Variants in AP2M1 observed in about 807,000 individuals in gnomAD.
AP2M1 encodes AP-2 complex subunit mu.
A neutral mutation model predicts 54.5 loss-of-function variants in AP2M1; 5 were observed. The ratio of observed to expected loss-of-function variants is 0.09; its 90% CI spans 0.05 to 0.19. The LOEUF (loss-of-function observed/expected upper bound fraction) is 0.19. Among genes scored for constraint, AP2M1 ranks in the 10% least tolerant of loss-of-function variants. The pLI is 1.00. For synonymous variants in AP2M1, 186 were observed against 208.2 expected (o/e 0.89, Z 0.92); for missense variants, 178 against 580.2 (o/e 0.31, Z 7.12).
At position 184,183,804 on chromosome 3, in the gene AP2M1, T is replaced by A. The variant is rs1218572146; in HGVS notation, c.*188T>A. On this transcript the variant is annotated 3_prime_UTR_variant, in exon 12 of 12. Coordinates refer to ENST00000292807, the MANE Select transcript of AP2M1 (RefSeq NM_004068.4). This position sits in a 1 kb window ranked among gnomAD's most constrained non-coding sequence, Gnocchi z 5.7. ...CCGGTGGAGCAGCCCCTGGGCTCCC[T>A]GGGCAGGGGAGTTCTGAGGCTCCTG... 1.6e-6 allele frequency: 1 copy of A among 633,460 alleles called. No individual in the cohort carries two copies. Among genetic ancestry groups the A allele is most frequent in the Non-Finnish European group, 2.7e-6 (1 of 376,456 alleles). The allele number at this position is 633,460 out of a possible 1,614,324, so 39.2% of individuals were successfully genotyped here.
chr3:184,181,452 G>A lies in AP2M1; in HGVS notation c.707+226G>A, dbSNP rs1715271041. On this transcript the variant is annotated intron_variant, in intron 7 of 11. Coordinates refer to ENST00000292807, the MANE Select transcript of AP2M1 (RefSeq NM_004068.4). The surrounding 1 kb of genome is among the most constrained non-coding windows in gnomAD (Gnocchi z 5.7). ...GGTCCCTAGGACCAAGGCCTTTTCT[G>A]TACATACTGACAGCCTCTGCCCAGT... The A allele has an allele frequency of 1.2e-6, 1 of 816,274 alleles. No individual in the cohort carries two copies. The highest frequency in any genetic ancestry group is 1.8e-5 in the South Asian group (1 of 54,756). 50.6% of individuals were successfully genotyped at this position (816,274 alleles called of 1,614,324 possible). A position where few individuals can be genotyped will look rare whatever the true frequency, so the allele number is the denominator to read the frequency against.
chr3:184,178,203 C>T lies in AP2M1; in HGVS notation c.75-654C>T, dbSNP rs1459064845. The T allele has an allele frequency of 1.3e-6, 2 of 1,536,098 alleles. No individual in the cohort carries two copies. Among genetic ancestry groups the T allele is most frequent in the Non-Finnish European group, 1.7e-6 (2 of 1,146,824 alleles). On this transcript the variant is annotated intron_variant, in intron 2 of 11. Transcript: ENST00000292807. This position sits in a 1 kb window ranked among gnomAD's most constrained non-coding sequence, Gnocchi z 4.9. ...TGGCGTCATTTCTCTCATCCCATCT[C>T]ATTGGCTGCCGTAGCAATAGGTAAG...
rs1290999207 is a variant in AP2M1, at chr3:184,178,835, C to T, written c.75-22C>T. 1.2e-6 allele frequency: 2 copies of T among 1,612,004 alleles called. No individual in the cohort carries two copies. Among genetic ancestry groups the T allele is most frequent in the Non-Finnish European group, 8.5e-7 (1 of 1,179,034 alleles). On this transcript the variant is annotated intron_variant, in intron 2 of 11. Coordinates refer to ENST00000292807, the MANE Select transcript of AP2M1 (RefSeq NM_004068.4). The surrounding 1 kb of genome is among the most constrained non-coding windows in gnomAD (Gnocchi z 4.9). ...AGGTTCACCTGGGTGCTGAGCAGGC[C>T]CTATGCACTCTTTTCCCTCAGGAGG...
chr3:184,179,660 TTC>T (rs1165226779), intron 3 of AP2M1, among the ~76,000 whole-genome samples: 3 of 116,466 alleles, frequency 2.6e-5, no homozygotes, highest in African/African-American at 6.4e-5. Flanking sequence ...TTGATTTCTT[TTC>T]TTTTTTTTTT....
Position 184,181,025 on chromosome 3 carries a change from C to T in AP2M1, c.565+41C>T, listed in dbSNP as rs1306898410. On this transcript the variant is annotated intron_variant, in intron 6 of 11. Transcript: ENST00000292807. This position sits in a 1 kb window ranked among gnomAD's most constrained non-coding sequence, Gnocchi z 5.7. ...CGACAAAGTTGGAGGGGGCCCAGGG[C>T]AGGATCCTGGGCCTGCCTGCCTGAC... 1.2e-6 allele frequency: 2 copies of T among 1,614,040 alleles called. No homozygotes were observed. Among genetic ancestry groups the T allele is most frequent in the Admixed American group, 1.7e-5 (1 of 60,028 alleles).
In AP2M1 at chr3:184,180,006, T is replaced by C; in HGVS notation, c.341-163T>C. The stretch of plus-strand genomic sequence containing the variant: ...AAATCAAACATTTGAATTGTTTTCC[T>C]GTAAAGCACAAATCACAGAATAAAT... On this transcript the variant is annotated intron_variant, in intron 3 of 11. Transcript: ENST00000292807. The surrounding 1 kb of genome is among the most constrained non-coding windows in gnomAD (Gnocchi z 4.9). 1.5e-6 allele frequency: 1 copy of C among 670,892 alleles called. No homozygotes were observed. The highest frequency in any genetic ancestry group is 2.8e-5 in the East Asian group (1 of 36,354). The allele number at this position is 670,892 out of a possible 1,614,324, so 41.6% of individuals were successfully genotyped here.
rs778579769 is a variant in AP2M1, at chr3:184,182,783, A to C, written c.1088A>C (p.Glu363Ala). Reference sequence around the variant, plus strand: ...ATCAAGCGCATGGCAGGCATGAAGGAATCGCAGATCAGCGCAGAGATTGAG... The same window carrying C: ...ATCAAGCGCATGGCAGGCATGAAGGCATCGCAGATCAGCGCAGAGATTGAG... ...WKIKRMAGMKESQISAEIELL... is the reference protein window; with the variant it reads ...WKIKRMAGMKASQISAEIELL... Residue 363 changes from glutamate (E) to alanine (A), a missense_variant, in exon 11 of 12, where the codon GAA becomes GCA. By Grantham distance (107) the Glu-to-Ala change is moderately radical. Coordinates refer to ENST00000292807, the MANE Select transcript of AP2M1 (RefSeq NM_004068.4). The surrounding 1 kb of genome is among the most constrained non-coding windows in gnomAD (Gnocchi z 5.5). 6.2e-7 allele frequency: 1 copy of C among 1,614,134 alleles called. No individual in the cohort carries two copies. Among genetic ancestry groups the C allele is most frequent in the Non-Finnish European group, 8.5e-7 (1 of 1,180,006 alleles).
chr3:184,175,149 C>A, intron 1 of AP2M1, 190 bp downstream of exon 1: 1 of 394,362 alleles, frequency 2.5e-6, no homozygotes, highest in East Asian at 3.6e-5. Context: ...GCAGGGCTGG[C>A]GGGGAGCGGT....
Position 184,180,484 on chromosome 3 carries a change from A to G in AP2M1, c.424-161A>G. On this transcript the variant is annotated intron_variant, in intron 4 of 11. Coordinates refer to ENST00000292807, the MANE Select transcript of AP2M1 (RefSeq NM_004068.4). This position sits in a 1 kb window ranked among gnomAD's most constrained non-coding sequence, Gnocchi z 4.9. ...TACAGCTCAAGCAGTTTCCTTTTGC[A>G]CTGAGGGGTGGGGGAGGAGGCCTGG... 1 of 1,210,582 alleles carries G rather than the reference A, an allele frequency of 8.3e-7. No homozygotes were observed. Among genetic ancestry groups the G allele is most frequent in the Non-Finnish European group, 1.2e-6 (1 of 849,194 alleles). 75.0% of individuals were successfully genotyped at this position (1,210,582 alleles called of 1,614,324 possible). A position where few individuals can be genotyped will look rare whatever the true frequency, so the allele number is the denominator to read the frequency against.
Position 184,178,121 on chromosome 3 carries a change from C to G in AP2M1, c.75-736C>G, listed in dbSNP as rs1266761611. The G allele has an allele frequency of 1.4e-6, 2 of 1,411,836 alleles. No individual in the cohort carries two copies. Among genetic ancestry groups the G allele is most frequent in the Non-Finnish European group, 1.9e-6 (2 of 1,033,642 alleles). 87.5% of individuals were successfully genotyped at this position (1,411,836 alleles called of 1,614,324 possible). Reference sequence around the variant, plus strand: ...TCTGCCTCACGGTGTGTGCCGCCCTCCCGGTGTGTTGTGTGTCTAACCCTC... The same window carrying G: ...TCTGCCTCACGGTGTGTGCCGCCCTGCCGGTGTGTTGTGTGTCTAACCCTC... On this transcript the variant is annotated intron_variant, in intron 2 of 11. Transcript: ENST00000292807. This position sits in a 1 kb window ranked among gnomAD's most constrained non-coding sequence, Gnocchi z 4.9.
In AP2M1 at chr3:184,177,035, G is replaced by C. The variant is rs2231214; in HGVS notation, c.42G>C (p.Val14=). ...TCATCTATAATCACAAGGGGGAGGT[G>C]CTCATCTCCCGAGTCTACCGAGATG... The part of the protein sequence containing the change: ...GLFIYNHKGE[V]LISRVYRDDI... The change falls in exon 2 of 12, where the codon GTG becomes GTC. Residue 14 remains valine, a synonymous_variant. Transcript: ENST00000292807. The C allele has an allele frequency of 3.8e-4, 608 of 1,613,808 alleles. 3 individuals are homozygous for C. The African/African-American group carries it at 7.4e-3, about 20-fold the overall frequency.
At chr3:184,176,908 G>A in intron 1 of AP2M1, 43 bp from the exon 2 acceptor site, 1 of 1,395,930 alleles carries the variant, frequency 7.2e-7, no homozygotes, top group Non-Finnish European at 9.8e-7. Flanking sequence ...GATGTTGGCA[G>A]CGATTCTGAG....
In AP2M1 at chr3:184,182,119, A is replaced by G. The variant is rs750761539; in HGVS notation, c.964-32A>G. 2 of 1,612,730 alleles carry G rather than the reference A, an allele frequency of 1.2e-6. No homozygotes were observed. The highest frequency in any genetic ancestry group is 2.7e-5 in the African/African-American group (2 of 75,036). On this transcript the variant is annotated intron_variant, in intron 9 of 11. Transcript: ENST00000292807. The surrounding 1 kb of genome is among the most constrained non-coding windows in gnomAD (Gnocchi z 5.5). ...TAAAGGTAGCTGATGTCACAGCTTG[A>G]CAGAGCTCCCTGACAGGTGTGTCAC... is the stretch of plus-strand genomic sequence containing the variant.
intron 1 of AP2M1, among the ~76,000 whole-genome samples, chr3:184,176,360 C>T (rs1040050744): frequency 6.6e-6 from 1 of 152,212 alleles, no homozygotes. Context: ...AAGCCACACT[C>T]CCGGGTCCAC....
In AP2M1 at chr3:184,181,253, A is replaced by T. The variant is rs1215439201; in HGVS notation, c.707+27A>T. 1.2e-6 allele frequency: 2 copies of T among 1,613,320 alleles called. No individual in the cohort carries two copies. Among genetic ancestry groups the T allele is most frequent in the Non-Finnish European group, 1.7e-6 (2 of 1,179,808 alleles). On this transcript the variant is annotated intron_variant, in intron 7 of 11. Transcript: ENST00000292807. This position sits in a 1 kb window ranked among gnomAD's most constrained non-coding sequence, Gnocchi z 5.7. ...TGCCTGAGGCAGGAGAGCTGGTGGG[A>T]GAGGGTGTCCCTTGGAGGGCTCAGT... is the stretch of plus-strand genomic sequence containing the variant.
rs1204729553 is a variant in AP2M1, at chr3:184,178,694, TAAG to T, written c.75-159_75-157del. On this transcript the variant is annotated intron_variant, in intron 2 of 11. Coordinates refer to ENST00000292807, the MANE Select transcript of AP2M1 (RefSeq NM_004068.4). This position sits in a 1 kb window ranked among gnomAD's most constrained non-coding sequence, Gnocchi z 4.9. ...CTTCCCATGCCTCCACAGGGAGTCA[TAAG>T]AAGGGAACCACTCCAGTGGTTTAGG... is the stretch of plus-strand genomic sequence containing the variant. Among the ~76,000 whole-genome samples the T allele has an allele frequency of 2.0e-5, 3 of 152,198 alleles. No individual in the cohort carries two copies. Among genetic ancestry groups the T allele is most frequent in the Non-Finnish European group, 4.4e-5 (3 of 68,040 alleles).
Position 184,183,306 on chromosome 3 carries a change from T to C in AP2M1, c.1174-176T>C. 1 of 837,756 alleles carries C rather than the reference T, an allele frequency of 1.2e-6. No homozygotes were observed. Among genetic ancestry groups the C allele is most frequent in the East Asian group, 2.5e-5 (1 of 39,708 alleles). The allele number at this position is 837,756 out of a possible 1,614,324, so 51.9% of individuals were successfully genotyped here. A position where few individuals can be genotyped will look rare whatever the true frequency, so the allele number is the denominator to read the frequency against. ...AGGAACTGATTCAAGGTGTCACAGG[T>C]AGGGCTTTCTTCTTTAGTCACCTCT... On this transcript the variant is annotated intron_variant, in intron 11 of 11. Coordinates refer to ENST00000292807, the MANE Select transcript of AP2M1 (RefSeq NM_004068.4). This position sits in a 1 kb window ranked among gnomAD's most constrained non-coding sequence, Gnocchi z 5.7.
intron 3 of AP2M1, among the ~76,000 whole-genome samples, chr3:184,179,518 C>G (rs1454317204): frequency 6.6e-6 from 1 of 152,148 alleles, no homozygotes. Context: ...TTGGGGTGCA[C>G]TGTTATCTCT....
At position 184,183,063 on chromosome 3, in the gene AP2M1, T is replaced by C; in HGVS notation, c.1173+195T>C. On this transcript the variant is annotated intron_variant, in intron 11 of 11. Coordinates refer to ENST00000292807, the MANE Select transcript of AP2M1 (RefSeq NM_004068.4). This position sits in a 1 kb window ranked among gnomAD's most constrained non-coding sequence, Gnocchi z 5.7. ...TACTATTTGTGATGAGGCAAATCTTTTACTTCTCTCGGCTTGTCCTAACAC... is the reference window on the plus strand; with the variant it reads ...TACTATTTGTGATGAGGCAAATCTTCTACTTCTCTCGGCTTGTCCTAACAC... 2 of 650,614 alleles carry C rather than the reference T, an allele frequency of 3.1e-6. No individual in the cohort carries two copies. The highest frequency in any genetic ancestry group is 5.6e-6 in the Non-Finnish European group (2 of 357,830). The allele number at this position is 650,614 out of a possible 1,614,324, so 40.3% of individuals were successfully genotyped here. A position where few individuals can be genotyped will look rare whatever the true frequency, so the allele number is the denominator to read the frequency against.
Sources: allele counts gnomAD v4.1 joint callset (sites outside exome capture counted in the v4.1 genomes callset), GRCh38; gene constraint gnomAD v4.1.1; non-coding constraint Gnocchi (gnomAD v3.1); transcripts MANE v1.5; gene names NCBI Gene and HGNC (gene_info 2026-07-23, HGNC 2026-07-21).